ZNF430: variants seen among roughly 807,000 people sequenced by gnomAD.
The protein encoded by ZNF430 is zinc finger protein 430.
In ZNF430, 35 loss-of-function variants were observed where a neutral mutation model predicts 56.7. That is an observed-to-expected ratio of 0.62 (90% CI 0.47 to 0.82). The LOEUF (loss-of-function observed/expected upper bound fraction) is 0.82. Among genes scored for constraint, ZNF430 ranks in the 40% least tolerant of loss-of-function variants. The probability of loss-of-function intolerance (pLI) is 0.00; values close to 1 mark genes in which losing one functional copy is unlikely to be tolerated. For missense variants in ZNF430, 574 were observed against 661.0 expected (o/e 0.87, Z 1.44); for synonymous variants, 212 against 224.3 (o/e 0.94, Z 0.49).
chr19:21,033,978 T>C, intron 3 of ZNF430, 108 bp from the exon 4 acceptor site: 1 of 793,526 alleles, frequency 1.3e-6, no homozygotes, highest in Non-Finnish European at 1.9e-6. Flanking sequence ...TTAGTATTTT[T>C]AGGATTAATT....
At chr19:21,037,529 A>G (rs1207881781) in intron 4 of ZNF430, among the ~76,000 whole-genome samples, 1 of 152,224 alleles carries the variant, frequency 6.6e-6, no homozygotes, top group Non-Finnish European at 1.5e-5. Flanking sequence ...GCTTTTGTGA[A>G]TACTAGTACA....
At chr19:21,026,836 T>TTTTTTC (rs1967809371) in intron 2 of ZNF430, among the ~76,000 whole-genome samples, 2 of 124,990 alleles carry the variant, frequency 1.6e-5, no homozygotes, top group Non-Finnish European at 3.4e-5. Flanking sequence ...TCTTTTTTTT[T>TTTTTTC]TTTTTTTTTT....
intron 4 of ZNF430, chr19:21,053,647 G>A (rs1307023113): frequency 6.6e-6 from 1 of 152,146 alleles, no homozygotes; most frequent in Non-Finnish European, 1.5e-5. Context: ...GCCCATCTTG[G>A]CCTCTGAAAG....
rs759383602 is a variant in ZNF430 at position 21,034,163 on chromosome 19, G to A, written c.301G>A (p.Ala101Thr). 1.2e-6 allele frequency: 2 copies of A among 1,612,520 alleles called. No homozygotes were observed. The highest frequency in any genetic ancestry group is 1.7e-6 in the Non-Finnish European group (2 of 1,179,224). The change falls in exon 4 of 5, where the codon GCG (alanine) becomes ACG (threonine). Residue 101 changes from alanine to threonine, a missense_variant. By Grantham distance (58) the Ala-to-Thr change is moderately conservative. This residue lies in a region of ZNF430 where 346 missense variants were observed against 399.1 expected (regional missense o/e 0.87). Coordinates refer to ENST00000261560, the MANE Select transcript of ZNF430 (RefSeq NM_025189.4). ...GKEPWNMKRH[A>T]MVDQPPVTYS... ...AGAGCCCTGGAATATGAAGAGACAT[G>A]CGATGGTAGATCAACCCCCAGGTAG...
Position 21,033,518 on chromosome 19 carries a change from C to T in ZNF430, c.159C>T (p.Asp53=). The change falls in exon 3 of 5, where the codon GAC becomes GAT. Residue 53 remains aspartate, a synonymous_variant. Transcript: ENST00000261560. ...CTCTGGAGGAGTGGCAATGCCTGGA[C>T]ACTGCTCAGCAGGATTTGTATAGAA... ...EFSLEEWQCL[D]TAQQDLYRKV... is the part of the protein sequence containing the mutation. 6.2e-7 allele frequency: 1 copy of T among 1,611,988 alleles called. No individual in the cohort carries two copies. The highest frequency in any genetic ancestry group is 8.5e-7 in the Non-Finnish European group (1 of 1,179,022).
At chr19:21,049,540 G>A (rs1182741341) in intron 4 of ZNF430, 1 of 149,412 alleles carries the variant, frequency 6.7e-6, no homozygotes, top group African/African-American at 2.5e-5. Flanking sequence ...TGGACTCCTG[G>A]TCTCAAGAGA....
chr19:21,041,357 C>T (rs1309650991), intron 4 of ZNF430, among the ~76,000 whole-genome samples: 1 of 152,186 alleles, frequency 6.6e-6, no homozygotes, highest in African/African-American at 2.4e-5. Flanking sequence ...TGGTCTCAGA[C>T]TCCTGAGTTA....
At chr19:21,048,598 A>G (rs1568590741) in intron 4 of ZNF430, among the ~76,000 whole-genome samples, 1 of 152,176 alleles carries the variant, frequency 6.6e-6, no homozygotes, top group Non-Finnish European at 1.5e-5. Flanking sequence ...ACACAGACAC[A>G]GCAACAATCT....
In ZNF430 at chr19:21,059,756, A is replaced by G. The variant is rs538231328; in HGVS notation, c.*1735A>G. ...TCCAGTTGTATTCACATGTGAAAGC[A>G]TGTGATCAGTTATTGCTGCATTAAA... is the stretch of plus-strand genomic sequence containing the variant. On this transcript the variant is annotated 3_prime_UTR_variant, in exon 5 of 5. Coordinates refer to ENST00000261560, the MANE Select transcript of ZNF430 (RefSeq NM_025189.4). 2 of 152,236 alleles carry G rather than the reference A, an allele frequency of 1.3e-5. No homozygotes were observed. Among genetic ancestry groups the G allele is most frequent in the Admixed American group, 6.5e-5 (1 of 15,274 alleles). 9.4% of individuals were successfully genotyped at this position (152,236 alleles called of 1,614,324 possible).
chr19:21,056,583 C>T (rs756326834), intron 4 of ZNF430, 48 bp from the exon 5 acceptor site: 5 of 1,331,480 alleles, frequency 3.8e-6, no homozygotes, highest in African/African-American at 2.9e-5. Flanking sequence ...AAAGCATATT[C>T]ATCTGAGTCT....
At position 21,059,241 on chromosome 19, in the gene ZNF430, T is replaced by A. The variant is rs1471492849; in HGVS notation, c.*1220T>A. ...TTATACTAAATCAGAGTGCTGAGTA[T>A]AGAAAATAAAACTGAAGTTGGGGCC... On this transcript the variant is annotated 3_prime_UTR_variant, in exon 5 of 5. Transcript: ENST00000261560. 2 of 151,966 alleles carry A rather than the reference T, an allele frequency of 1.3e-5. No individual in the cohort carries two copies. The highest frequency in any genetic ancestry group is 2.9e-5 in the Non-Finnish European group (2 of 68,000). 9.4% of individuals were successfully genotyped at this position (151,966 alleles called of 1,614,324 possible).
At chr19:21,028,776 C>T (rs895819714) in intron 2 of ZNF430, among the ~76,000 whole-genome samples, 3 of 152,160 alleles carry the variant, frequency 2.0e-5, no homozygotes. Context: ...ACCTCCGCCT[C>T]CCGGGTTCAA....
Position 21,059,570 on chromosome 19 carries a change from A to T in ZNF430, c.*1549A>T, listed in dbSNP as rs943889738. 2 of 151,096 alleles carry T rather than the reference A, an allele frequency of 1.3e-5. No homozygotes were observed. The highest frequency in any genetic ancestry group is 2.9e-5 in the Non-Finnish European group (2 of 67,808). The allele number at this position is 151,096 out of a possible 1,614,324, so 9.4% of individuals were successfully genotyped here. A position where few individuals can be genotyped will look rare whatever the true frequency, so the allele number is the denominator to read the frequency against. On this transcript the variant is annotated 3_prime_UTR_variant, in exon 5 of 5. Transcript: ENST00000261560. ...AAAAAAAAAAAAAAAAAACAACTAAAGTTGGTAGAAAAATTATTTGTATAT... is the reference window on the plus strand; with the variant it reads ...AAAAAAAAAAAAAAAAAACAACTAATGTTGGTAGAAAAATTATTTGTATAT...
At chr19:21,049,686 G>C (rs114721325) in intron 4 of ZNF430, 2 of 151,752 alleles carry the variant, frequency 1.3e-5, no homozygotes, top group Non-Finnish European at 2.9e-5. Context: ...GTTACATTTC[G>C]TGCAACATTT....
Position 21,057,228 on chromosome 19 carries a change from A to G in ZNF430, c.920A>G (p.His307Arg). Reference protein sequence around the residue: ...TFNRSSHLTTHKRIHTGEKPY... With the variant: ...TFNRSSHLTTRKRIHTGEKPY... ...AACCGGTCCTCACACCTTACTACAC[A>G]TAAAAGAATTCATACTGGAGAGAAA... The change falls in exon 5 of 5, where the codon CAT becomes CGT. Residue 307 changes from histidine to arginine, a missense_variant. His to Arg is a conservative substitution (Grantham distance 29, BLOSUM62 0). This residue lies in a region of ZNF430 where 346 missense variants were observed against 399.1 expected (regional missense o/e 0.87). Coordinates refer to ENST00000261560, the MANE Select transcript of ZNF430 (RefSeq NM_025189.4). The G allele has an allele frequency of 6.2e-7, 1 of 1,613,730 alleles. No homozygotes were observed. The highest frequency in any genetic ancestry group is 8.5e-7 in the Non-Finnish European group (1 of 1,179,934).
At chr19:21,021,281 T>C (rs1327624364) in intron 1 of ZNF430, among the ~76,000 whole-genome samples, 1 of 152,056 alleles carries the variant, frequency 6.6e-6, no homozygotes, top group African/African-American at 2.4e-5. Context: ...GGCGCATCAC[T>C]AAGTCAGGAG....
At chr19:21,042,649 G>C (rs913638406) in intron 4 of ZNF430, among the ~76,000 whole-genome samples, 1 of 152,084 alleles carries the variant, frequency 6.6e-6, no homozygotes, top group African/African-American at 2.4e-5. Flanking sequence ...TTAGCTGGGC[G>C]TGGTGGCGGA....
chr19:21,030,492 T>A (rs1289751710), intron 2 of ZNF430, among the ~76,000 whole-genome samples: 1 of 133,304 alleles, frequency 7.5e-6, no homozygotes, highest in Non-Finnish European at 1.6e-5. Context: ...TGTATATGTG[T>A]ACATGTTATT....
At chr19:21,045,746 C>A (rs1414044689) in intron 4 of ZNF430, among the ~76,000 whole-genome samples, 1 of 151,988 alleles carries the variant, frequency 6.6e-6, no homozygotes, top group African/African-American at 2.4e-5. Flanking sequence ...TTTTATAAAT[C>A]TGGGTCCTCC....
Sources: allele counts gnomAD v4.1 joint callset (sites outside exome capture counted in the v4.1 genomes callset), GRCh38; gene constraint gnomAD v4.1.1; regional missense constraint gnomAD v4.1.1; transcripts MANE v1.5; gene names NCBI Gene and HGNC (gene_info 2026-07-23, HGNC 2026-07-21).